WDR72: variants seen among roughly 807,000 people sequenced by gnomAD.
The protein encoded by WDR72 is WD repeat-containing protein 72.
WDR72 carries 120 observed loss-of-function variants against 124.2 expected under a neutral mutation model. The observed-to-expected ratio is 0.97, with a 90% CI of 0.83 to 1.12. The LOEUF is 1.12. WDR72 is among the 50% of genes most tolerant of loss of function. The pLI is 0.00. For missense variants in WDR72, 1,387 were observed against 1,278.8 expected (o/e 1.08, Z -1.29); for synonymous variants, 452 against 441.7 (o/e 1.02, Z -0.29).
At chr15:53,591,678 C>G (rs2012504030) in intron 18 of WDR72, among the ~76,000 whole-genome samples, 1 of 132,764 alleles carries the variant, frequency 7.5e-6, no homozygotes, top group Non-Finnish European at 1.6e-5. Flanking sequence ...ATACATACAA[C>G]ACACACAACA....
At chr15:53,555,241 G>A (rs1595757729) in intron 18 of WDR72, among the ~76,000 whole-genome samples, 1 of 151,502 alleles carries the variant, frequency 6.6e-6, no homozygotes, top group Non-Finnish European at 1.5e-5. Flanking sequence ...GTGTAAGTGC[G>A]GGAAGGGTAA....
chr15:53,517,653 G>A lies in WDR72; in HGVS notation c.*46C>T. On this transcript the variant is annotated 3_prime_UTR_variant, in exon 20 of 20. Transcript: ENST00000360509. ...AGTAATAAACAAATGGCATCTTTTG[G>A]ATTTCTTAATTTGTCCAAATTCAGC... 2.5e-6 allele frequency: 4 copies of A among 1,591,796 alleles called. No homozygotes were observed. Among genetic ancestry groups the A allele is most frequent in the Non-Finnish European group, 3.4e-6 (4 of 1,160,156 alleles).
Position 53,701,536 on chromosome 15 carries a change from G to GTCTCTCTC in WDR72, c.1569+590_1569+597dup, listed in dbSNP as rs370281315. Reference sequence around the variant, plus strand: ...AGCCTGGATGACAAAGTGAGACCCTGTCTCTCTCTCTCTCTCTCTCTCTCA... The same window carrying GTCTCTCTC: ...AGCCTGGATGACAAAGTGAGACCCTGTCTCTCTCTCTCTCTCTCTCTCTCTCTCTCTCA... On this transcript the variant is annotated intron_variant, in intron 12 of 19. Coordinates refer to ENST00000360509, the MANE Select transcript of WDR72 (RefSeq NM_182758.4). Among the ~76,000 whole-genome samples the GTCTCTCTC allele has an allele frequency of 9.4e-3, 958 of 101,478 alleles. 30 individuals carry two copies. The East Asian group carries it at 0.099, about 11-fold the overall frequency. 66.6% of individuals were successfully genotyped at this position (101,478 alleles called of 152,430 possible). A position where few individuals can be genotyped will look rare whatever the true frequency, so the allele number is the denominator to read the frequency against.
chr15:53,535,721 T>C (rs1039383824), intron 18 of WDR72, among the ~76,000 whole-genome samples: 1 of 152,116 alleles, frequency 6.6e-6, no homozygotes, highest in African/African-American at 2.4e-5. Context: ...CATTGACAAA[T>C]CTGAAACACA....
chr15:53,520,567 C>G (rs117874250), intron 19 of WDR72, among the ~76,000 whole-genome samples: 470 of 152,126 alleles, frequency 3.1e-3, no homozygotes, highest in Non-Finnish European at 5.2e-3. Flanking sequence ...TCTTCTGGTT[C>G]GAGGACATTT....
At position 53,609,736 on chromosome 15, in the gene WDR72, A is replaced by T. The variant is rs1287815914; in HGVS notation, c.2873-144T>A. Reference sequence around the variant, plus strand: ...CAGGTTCAATCTTCCAGAGATTTTTATTTTACAGATCCTGTGGTAGAGGTG... The same window carrying T: ...CAGGTTCAATCTTCCAGAGATTTTTTTTTTACAGATCCTGTGGTAGAGGTG... On this transcript the variant is annotated intron_variant, in intron 16 of 19. Transcript: ENST00000360509. 4.2e-6 allele frequency: 3 copies of T among 719,794 alleles called. No individual in the cohort carries two copies. In the East Asian group the frequency reaches 8.2e-5, roughly 20 times the overall value. 44.6% of individuals were successfully genotyped at this position (719,794 alleles called of 1,614,324 possible).
At chr15:53,574,860 A>G (rs1894692184) in intron 18 of WDR72, among the ~76,000 whole-genome samples, 1 of 152,082 alleles carries the variant, frequency 6.6e-6, no homozygotes, top group African/African-American at 2.4e-5. Context: ...GGGGTGAGAT[A>G]GGAGGAGTGT....
chr15:53,691,377 T>C (rs2016834683), intron 13 of WDR72, among the ~76,000 whole-genome samples: 1 of 152,180 alleles, frequency 6.6e-6, no homozygotes, highest in Admixed American at 6.5e-5. Context: ...ATTGAGTGGC[T>C]CGTCTTTTGT....
At chr15:53,548,348 G>T (rs1893578412) in intron 18 of WDR72, among the ~76,000 whole-genome samples, 1 of 152,186 alleles carries the variant, frequency 6.6e-6, no homozygotes, top group Non-Finnish European at 1.5e-5. Context: ...AACAGGGCAG[G>T]CCTGATGGGA....
intron 18 of WDR72, among the ~76,000 whole-genome samples, chr15:53,558,389 CT>C (rs1445192200): frequency 1.3e-5 from 2 of 151,916 alleles, no homozygotes; most frequent in African/African-American, 4.8e-5. Flanking sequence ...GAAAGTAGCC[CT>C]GATGTTTACA....
chr15:53,611,787 GGTT>G, intron 16 of WDR72, among the ~76,000 whole-genome samples: 1 of 151,808 alleles, frequency 6.6e-6, no homozygotes, highest in South Asian at 2.1e-4. Flanking sequence ...TACTGTGCAG[GGTT>G]GTTTTTACAT....
intron 2 of WDR72, among the ~76,000 whole-genome samples, chr15:53,726,341 A>G (rs1321998369): frequency 2.9e-5 from 2 of 69,868 alleles, no homozygotes; most frequent in African/African-American, 6.5e-5. Context: ...CTGTGTGTAC[A>G]CGTGTGTTGG....
intron 14 of WDR72, among the ~76,000 whole-genome samples, chr15:53,623,842 G>A (rs1440669563): frequency 6.6e-6 from 1 of 152,060 alleles, no homozygotes; most frequent in African/African-American, 2.4e-5. Context: ...GGCCTCACCA[G>A]CATCCATTGT....
rs569067943 is a variant in WDR72 at position 53,574,988 on chromosome 15, C to G, written c.3148+22091G>C. The stretch of plus-strand genomic sequence containing the variant: ...TTGCCCTAGAATACATTTAAAGAGG[C>G]TAATGAAAATCAAACACAACACACA... On this transcript the variant is annotated intron_variant, in intron 18 of 19. Coordinates refer to ENST00000360509, the MANE Select transcript of WDR72 (RefSeq NM_182758.4). Among the ~76,000 whole-genome samples, 612 of 143,268 alleles carry G rather than the reference C, an allele frequency of 4.3e-3. 8 individuals carry two copies. The highest frequency in any genetic ancestry group is 0.015 in the African/African-American group (586 of 37,882). 94.0% of individuals were successfully genotyped at this position (143,268 alleles called of 152,430 possible).
At chr15:53,685,537 G>C (rs1029526355) in intron 13 of WDR72, among the ~76,000 whole-genome samples, 2 of 143,098 alleles carry the variant, frequency 1.4e-5, no homozygotes, top group Admixed American at 7.0e-5. Context: ...AATGAGCAAA[G>C]CCTCCAAGAA....
intron 1 of WDR72, among the ~76,000 whole-genome samples, chr15:53,744,608 G>A (rs2018597098): frequency 6.6e-6 from 1 of 152,138 alleles, no homozygotes; most frequent in Admixed American, 6.5e-5. Context: ...ACCAGCATGG[G>A]GACACTTTGC....
chr15:53,699,858 C>A lies in WDR72; in HGVS notation c.1657G>T (p.Ala553Ser), dbSNP rs1272014846. 6.2e-7 allele frequency: 1 copy of A among 1,614,166 alleles called. No homozygotes were observed. The highest frequency in any genetic ancestry group is 1.7e-5 in the Admixed American group (1 of 60,022). ...HLEGKSCLLH[A>S]RKHLFPVRMI... The stretch of plus-strand genomic sequence containing the variant: ...CTCACAGGAAAAAGGTGCTTCCGGG[C>A]ATGCAGGAGGCAACTCTTTCCCTCA... The change falls in exon 13 of 20, where the codon GCC becomes TCC. Residue 553 changes from alanine (A) to serine (S), a missense_variant. Physicochemically the swap from Ala to Ser is moderately conservative, Grantham distance 99 (BLOSUM62 1). Coordinates refer to ENST00000360509, the MANE Select transcript of WDR72 (RefSeq NM_182758.4).
chr15:53,695,897 G>A (rs74018718), intron 13 of WDR72, among the ~76,000 whole-genome samples: 4,153 of 152,212 alleles, frequency 0.027, 100 homozygotes, highest in East Asian at 0.069. Flanking sequence ...AAGAGGCCTC[G>A]CAAACTTTCC....
rs1335529389 is a variant in WDR72 at position 53,665,691 on chromosome 15, A to T, written c.1843T>A (p.Ser615Thr). Residue 615 changes from serine (S) to threonine (T), a missense_variant, in exon 14 of 20, where the codon TCT becomes ACT. Physicochemically the swap from Ser to Thr is moderately conservative, Grantham distance 58. Coordinates refer to ENST00000360509, the MANE Select transcript of WDR72 (RefSeq NM_182758.4). ...GTCTCTGAGGCAATGGGAAGTACAGACTTCACAAGCTGTGAATCATCACAA... is the reference window on the plus strand; with the variant it reads ...GTCTCTGAGGCAATGGGAAGTACAGTCTTCACAAGCTGTGAATCATCACAA... ...NCCDDSQLVK[S>T]VLPIASETLK... The T allele has an allele frequency of 6.2e-7, 1 of 1,613,956 alleles. No individual in the cohort carries two copies. Among genetic ancestry groups the T allele is most frequent in the East Asian group, 2.2e-5 (1 of 44,874 alleles).
Sources: gnomAD v4.1 joint callset for allele counts (sites outside exome capture counted in the v4.1 genomes callset) on GRCh38, gnomAD v4.1.1 for gene constraint, MANE v1.5 for transcripts, NCBI Gene and HGNC (gene_info 2026-07-23, HGNC 2026-07-21) for gene names.